The following TGFBR3 variants were observed in gnomAD, a reference collection of about 807,000 sequenced individuals.
TGFBR3 encodes the protein transforming growth factor beta receptor type 3.
TGFBR3 carries 46 observed loss-of-function variants against 87.9 expected under a neutral mutation model. The ratio of observed to expected loss-of-function variants is 0.52; its 90% CI spans 0.41 to 0.67. TGFBR3 has a LOEUF of 0.67. Among genes scored for constraint, TGFBR3 ranks in the 30% least tolerant of loss-of-function variants. The pLI is 0.00. For missense variants in TGFBR3, 866 were observed against 1,041.9 expected, an observed-to-expected ratio of 0.83 and a Z score of 2.32; for synonymous variants, 381 against 391.6, an observed-to-expected ratio of 0.97 and a Z score of 0.32.
At chr1:91,778,182 TAAG>T (rs919358311) in intron 3 of TGFBR3, among the ~76,000 whole-genome samples, 1 of 150,428 alleles carries the variant, frequency 6.6e-6, no homozygotes, top group African/African-American at 2.4e-5. Flanking sequence ...AAAACACACA[TAAG>T]AAGACATGAG....
intron 14 of TGFBR3, among the ~76,000 whole-genome samples, chr1:91,699,680 T>A (rs543571471): frequency 6.6e-6 from 1 of 152,342 alleles, no homozygotes; most frequent in African/African-American, 2.4e-5. Context: ...TATCACTGTT[T>A]TGGAAATGAG....
intron 2 of TGFBR3, among the ~76,000 whole-genome samples, chr1:91,847,275 A>C (rs1370115246): frequency 2.0e-5 from 3 of 152,094 alleles, no homozygotes; most frequent in Non-Finnish European, 2.9e-5. Flanking sequence ...AAAAATGTTA[A>C]TTTTTTAAAA....
intron 4 of TGFBR3, among the ~76,000 whole-genome samples, chr1:91,748,670 G>A (rs1673429950): frequency 6.6e-6 from 1 of 152,010 alleles, no homozygotes; most frequent in Non-Finnish European, 1.5e-5. Flanking sequence ...TCATGCCCTC[G>A]AGTCAGCAGT....
chr1:91,884,740 A>G (rs1679228252), intron 1 of TGFBR3, among the ~76,000 whole-genome samples: 1 of 152,262 alleles, frequency 6.6e-6, no homozygotes, highest in African/African-American at 2.4e-5. Context: ...ATGGGCTTAG[A>G]AAACGTTAGC....
At position 91,799,966 on chromosome 1, in the gene TGFBR3, G is replaced by A. The variant is rs72969118; in HGVS notation, c.62-2495C>T. On this transcript the variant is annotated intron_variant, in intron 2 of 16. Coordinates refer to ENST00000212355, the MANE Select transcript of TGFBR3 (RefSeq NM_003243.5). ...TCTGTTTTGCCAGAGTCCAGAACAG[G>A]GCAAACACCCTCTTTAAGGGCTAGA... Among the ~76,000 whole-genome samples the A allele has an allele frequency of 4.7e-3, 708 of 152,162 alleles. 11 individuals carry two copies. The highest frequency in any genetic ancestry group is 0.016 in the African/African-American group (670 of 41,530).
chr1:91,842,450 G>A (rs764201566), intron 2 of TGFBR3, among the ~76,000 whole-genome samples: 3 of 152,084 alleles, frequency 2.0e-5, no homozygotes, highest in Admixed American at 2.0e-4. Context: ...CCTCAGCACC[G>A]CCACCGTTCT....
At chr1:91,891,077 T>C (rs1039449163), upstream of TGFBR3, among the ~76,000 whole-genome samples, 2 of 151,784 alleles carry the variant, frequency 1.3e-5, no homozygotes, top group Non-Finnish European at 2.9e-5. Flanking sequence ...TTTGTATTTT[T>C]AGTAGAGATG....
chr1:91,735,115 T>C (rs981664613), intron 4 of TGFBR3, among the ~76,000 whole-genome samples, 156 bp from the exon 5 acceptor site: 7 of 152,226 alleles, frequency 4.6e-5, no homozygotes, highest in East Asian at 1.9e-4. Flanking sequence ...ATTCAAGGAA[T>C]AATCCCAAGC....
chr1:91,742,612 A>G (rs1177508282), intron 4 of TGFBR3, among the ~76,000 whole-genome samples: 1 of 152,222 alleles, frequency 6.6e-6, no homozygotes, highest in African/African-American at 2.4e-5. Context: ...CCTGCTTGCT[A>G]ATTAAAACCC....
In TGFBR3 at chr1:91,904,220, C is replaced by G; in HGVS notation, c.-175+1606G>C. On this transcript the variant is annotated intron_variant, in intron 1 of 17. Transcript: ENST00000370399. ...AAAACCCTGCTAACTCAAAAACTTA[C>G]TTTGGAAACTTATAGAGAGCACAGT... 1.3e-5 allele frequency among the ~76,000 whole-genome samples: 2 copies of G among 151,084 alleles called. 1 individual carries two copies. Among genetic ancestry groups the G allele is most frequent in the Non-Finnish European group, 2.9e-5 (2 of 67,916 alleles).
chr1:91,692,490 A>G (rs1439252057), intron 16 of TGFBR3, among the ~76,000 whole-genome samples: 1 of 152,186 alleles, frequency 6.6e-6, no homozygotes, highest in Non-Finnish European at 1.5e-5. Flanking sequence ...AATAAAAATA[A>G]AAGCATTTGT....
intron 2 of TGFBR3, among the ~76,000 whole-genome samples, chr1:91,842,856 G>A (rs970653013): frequency 6.6e-6 from 1 of 152,106 alleles, no homozygotes; most frequent in Non-Finnish European, 1.5e-5. Flanking sequence ...CAAAAGCTCT[G>A]CAAACCACAA....
intron 2 of TGFBR3, among the ~76,000 whole-genome samples, chr1:91,850,080 C>CAAAAAAAAAAAAAA (rs376631972): frequency 1.9e-5 from 1 of 52,156 alleles, no homozygotes. Flanking sequence ...GACTCCATCT[C>CAAAAAAAAAAAAAA]AAAAAAAAAA....
At chr1:91,721,111 A>G (rs753019565) in intron 8 of TGFBR3, among the ~76,000 whole-genome samples, 26 of 152,206 alleles carry the variant, frequency 1.7e-4, no homozygotes, top group Non-Finnish European at 2.9e-4. Context: ...ATCTCAGTGG[A>G]AGCTGGAAGT....
At chr1:91,767,454 G>C (rs1557700068) in intron 3 of TGFBR3, among the ~76,000 whole-genome samples, 1 of 133,526 alleles carries the variant, frequency 7.5e-6, no homozygotes, top group Non-Finnish European at 1.6e-5. Context: ...GGTGGCAGCA[G>C]TAGTAATAAC....
At chr1:91,882,514 G>T (rs7516778) in intron 1 of TGFBR3, among the ~76,000 whole-genome samples, 16,976 of 151,808 alleles carry the variant, frequency 0.11, 1,348 homozygotes, top group African/African-American at 0.23. Flanking sequence ...GGAGGCTGAG[G>T]TAGGCGGATC....
chr1:91,858,610 C>CAAA (rs58608714), intron 2 of TGFBR3, among the ~76,000 whole-genome samples: 4 of 78,318 alleles, frequency 5.1e-5, no homozygotes, highest in Non-Finnish European at 4.5e-5. Context: ...GACTCTGTCT[C>CAAA]AAAAAAAAAA....
chr1:91,864,643 G>A (rs747793163), intron 1 of TGFBR3, among the ~76,000 whole-genome samples: 1 of 152,218 alleles, frequency 6.6e-6, no homozygotes, highest in Non-Finnish European at 1.5e-5. Flanking sequence ...AGGGAAGTGT[G>A]TCATTCTCAT....
At chr1:91,723,205 G>A (rs1021680590) in intron 7 of TGFBR3, among the ~76,000 whole-genome samples, 7 of 151,982 alleles carry the variant, frequency 4.6e-5, no homozygotes, top group Non-Finnish European at 1.0e-4. Flanking sequence ...TTCAGGGATG[G>A]GTGCAATACT....
Sources: gnomAD v4.1 joint callset for allele counts (sites outside exome capture counted in the v4.1 genomes callset) on GRCh38, gnomAD v4.1.1 for gene constraint, MANE v1.5 for transcripts, NCBI Gene and HGNC (gene_info 2026-07-23, HGNC 2026-07-21) for gene names.